Variants in KLHL33 observed in about 807,000 individuals in gnomAD.
The protein encoded by KLHL33 is kelch like family member 33.
KLHL33 carries 46 observed loss-of-function variants against 60.8 expected under a neutral mutation model. The ratio of observed to expected loss-of-function variants is 0.76; its 90% CI spans 0.60 to 0.97. KLHL33 has a LOEUF of 0.97. Ranked by LOEUF, KLHL33 falls within the 50% of genes least tolerant of loss-of-function variation. The pLI, the probability that KLHL33 is intolerant of heterozygous loss-of-function variation, is 0.00. For synonymous variants in KLHL33, 434 were observed against 432.2 expected (o/e 1.00, Z -0.05); for missense variants, 1,055 against 1,000.0 (o/e 1.05, Z -0.74).
Position 20,430,484 on chromosome 14 carries a change from T to G in KLHL33, c.984A>C (p.Lys328Asn). 6.4e-7 allele frequency: 1 copy of G among 1,550,790 alleles called. No homozygotes were observed. Among genetic ancestry groups the G allele is most frequent in the Non-Finnish European group, 8.7e-7 (1 of 1,147,010 alleles). ...QSSSCLDLCQ[K>N]GLARGLSPAR... ...CAGGGCTGAGGCCCCGTGCCAAGCC[T>G]TTCTGACACAAATCCAAGCAGGAAG... Residue 328 changes from lysine (K) to asparagine (N), a missense_variant, in exon 3 of 5, where the codon AAA becomes AAC. Lys to Asn is a moderately conservative substitution (Grantham distance 94). Transcript: ENST00000636854.
intron 2 of KLHL33, among the ~76,000 whole-genome samples, chr14:20,433,529 G>A (rs1401706893): frequency 6.6e-6 from 1 of 152,126 alleles, no homozygotes; most frequent in Non-Finnish European, 1.5e-5. Context: ...CTCAAAACAA[G>A]CTAAGCCATC....
chr14:20,432,088 C>A (rs567179718), intron 2 of KLHL33, among the ~76,000 whole-genome samples: 16 of 150,338 alleles, frequency 1.1e-4, no homozygotes, highest in Middle Eastern at 3.2e-3. Flanking sequence ...CCACACAAAT[C>A]AAGAAAATGG....
chr14:20,428,665 T>TC lies in KLHL33; in HGVS notation c.*183dup. 1 of 615,392 alleles carries TC rather than the reference T, an allele frequency of 1.6e-6. No individual in the cohort carries two copies. The highest frequency in any genetic ancestry group is 2.8e-6 in the Non-Finnish European group (1 of 356,406). The allele number at this position is 615,392 out of a possible 1,614,324, so 38.1% of individuals were successfully genotyped here. A position where few individuals can be genotyped will look rare whatever the true frequency, so the allele number is the denominator to read the frequency against. Reference sequence around the variant, plus strand: ...CTGCCTCCCCTTTCCCTATATGTTTTCCCTAGGAGTTCTGGAACCACCATT... The same window carrying TC: ...CTGCCTCCCCTTTCCCTATATGTTTTCCCCTAGGAGTTCTGGAACCACCATT... On this transcript the variant is annotated 3_prime_UTR_variant, in exon 5 of 5. Transcript: ENST00000636854.
rs1880665080 is a variant in KLHL33 at position 20,435,541 on chromosome 14, G to A, written c.271C>T (p.Arg91Cys). 2 of 1,234,730 alleles carry A rather than the reference G, an allele frequency of 1.6e-6. No individual in the cohort carries two copies. Among genetic ancestry groups the A allele is most frequent in the East Asian group, 3.2e-5 (1 of 31,710 alleles). The allele number at this position is 1,234,730 out of a possible 1,614,324, so 76.5% of individuals were successfully genotyped here. A position where few individuals can be genotyped will look rare whatever the true frequency, so the allele number is the denominator to read the frequency against. The change falls in exon 2 of 5, where the codon CGC becomes TGC. Residue 91 changes from arginine to cysteine, a missense_variant. Physicochemically the swap from Arg to Cys is radical, Grantham distance 180. Transcript: ENST00000636854. Reference protein sequence around the residue: ...DEDAAEPEWLRSEEHPSQFFA... With the variant: ...DEDAAEPEWLCSEEHPSQFFA... The stretch of plus-strand genomic sequence containing the variant: ...AACTGGCTCGGATGCTCCTCGCTGC[G>A]CAGCCACTCGGGCTCTGCCGCATCT...
chr14:20,435,363 G>A lies in KLHL33; in HGVS notation c.449C>T (p.Pro150Leu). The change falls in exon 2 of 5, where the codon CCC (proline) becomes CTC (leucine). Residue 150 changes from proline to leucine, a missense_variant. Coordinates refer to ENST00000636854, the MANE Select transcript of KLHL33 (RefSeq NM_001365790.2). ...TGGGGACACCTCGAGGCTGAAGGGGGGCCGCGGACCTCCGCCGCCCAGCAG... is the reference window on the plus strand; with the variant it reads ...TGGGGACACCTCGAGGCTGAAGGGGAGCCGCGGACCTCCGCCGCCCAGCAG... Reference protein sequence around the residue: ...DRLLGGGGPRPPFSLEVSPGG... With the variant: ...DRLLGGGGPRLPFSLEVSPGG... The A allele has an allele frequency of 8.1e-7, 1 of 1,234,272 alleles. No homozygotes were observed. The highest frequency in any genetic ancestry group is 1.0e-6 in the Non-Finnish European group (1 of 988,116). The allele number at this position is 1,234,272 out of a possible 1,614,324, so 76.5% of individuals were successfully genotyped here.
Position 20,429,556 on chromosome 14 carries a change from T to C in KLHL33, c.1787A>G (p.Asn596Ser), listed in dbSNP as rs565567891. Residue 596 changes from asparagine (N) to serine (S), a missense_variant, in exon 4 of 5, where the codon AAT (asparagine) becomes AGT (serine). Asn to Ser is a conservative substitution (Grantham distance 46). Coordinates refer to ENST00000636854, the MANE Select transcript of KLHL33 (RefSeq NM_001365790.2). ...GKLYALGGRH[N>S]DVALDSVETY... Reference sequence around the variant, plus strand: ...CTCCACAGAGTCCAGGGCAACATCATTGTGTCTTCCACCCAGGGCATAAAG... The same window carrying C: ...CTCCACAGAGTCCAGGGCAACATCACTGTGTCTTCCACCCAGGGCATAAAG... 8.6e-5 allele frequency: 133 copies of C among 1,552,230 alleles called. No individual in the cohort carries two copies. The South Asian group carries it at 1.2e-3, about 13-fold the overall frequency.
chr14:20,433,656 G>A (rs896354552), intron 2 of KLHL33, among the ~76,000 whole-genome samples: 6 of 152,104 alleles, frequency 3.9e-5, no homozygotes, highest in African/African-American at 9.7e-5. Context: ...TGACAGATTC[G>A]CAACCATTAA....
chr14:20,431,663 G>C lies in KLHL33; in HGVS notation c.749-944C>G, dbSNP rs866245966. Among the ~76,000 whole-genome samples the C allele has an allele frequency of 2.0e-5, 3 of 152,230 alleles. No individual in the cohort carries two copies. The South Asian group carries it at 6.2e-4, about 32-fold the overall frequency. On this transcript the variant is annotated intron_variant, in intron 2 of 4. Transcript: ENST00000636854. Reference sequence around the variant, plus strand: ...AATAGCTTGAACCTGGGAGGCGAGGGTTGCAATGAGCTGAGACTGCGCCGC... The same window carrying C: ...AATAGCTTGAACCTGGGAGGCGAGGCTTGCAATGAGCTGAGACTGCGCCGC...
chr14:20,432,595 A>G (rs1164951934), intron 2 of KLHL33, among the ~76,000 whole-genome samples: 2 of 152,280 alleles, frequency 1.3e-5, no homozygotes, highest in African/African-American at 2.4e-5. Flanking sequence ...TTTTTGGACA[A>G]CTGGGAAAAT....
rs1033465968 is a variant in KLHL33, at chr14:20,435,193, C to G, written c.619G>C (p.Ala207Pro). The G allele has an allele frequency of 4.1e-6, 5 of 1,234,288 alleles. No homozygotes were observed. The African/African-American group carries it at 6.2e-5, about 15-fold the overall frequency. The allele number at this position is 1,234,288 out of a possible 1,614,324, so 76.5% of individuals were successfully genotyped here. A position where few individuals can be genotyped will look rare whatever the true frequency, so the allele number is the denominator to read the frequency against. The change falls in exon 2 of 5, where the codon GCC becomes CCC. Residue 207 changes from alanine to proline, a missense_variant. Physicochemically the swap from Ala to Pro is conservative, Grantham distance 27. Transcript: ENST00000636854. ...AQQTCERAGNAREDVKKPSQA... is the reference protein window; with the variant it reads ...AQQTCERAGNPREDVKKPSQA... Reference sequence around the variant, plus strand: ...CTGGGCTTCTTTACATCTTCCCTGGCATTTCCAGCCCTCTCGCATGTCTGC... The same window carrying G: ...CTGGGCTTCTTTACATCTTCCCTGGGATTTCCAGCCCTCTCGCATGTCTGC...
intron 3 of KLHL33, 49 bp from the exon 4 acceptor site, chr14:20,429,718 G>A: frequency 6.5e-7 from 1 of 1,535,876 alleles, no homozygotes; most frequent in Admixed American, 2.0e-5. Context: ...GGGCATCCGT[G>A]GTTGGCTAGG....
At chr14:20,434,960 A>G in intron 2 of KLHL33, 104 bp downstream of exon 2, 1 of 1,012,700 alleles carries the variant, frequency 9.9e-7, no homozygotes, top group Non-Finnish European at 1.3e-6. Flanking sequence ...TGACAGCAGC[A>G]GGGATCAAAA....
At position 20,429,155 on chromosome 14, in the gene KLHL33, C is replaced by CAG; in HGVS notation, c.2086_2087dup (p.Leu697CysfsTer2). 6.4e-7 allele frequency: 1 copy of CAG among 1,551,714 alleles called. No individual in the cohort carries two copies. Among genetic ancestry groups the CAG allele is most frequent in the Non-Finnish European group, 8.7e-7 (1 of 1,147,000 alleles). ...TTAGTTCATAGGCCTCAAAGCTTAG[C>CAG]AGGTCCTCAGTCTCACCCAGCCCAC... On this transcript the variant is annotated frameshift_variant, in exon 5 of 5. Transcript: ENST00000636854. LOFTEE classifies it high-confidence loss of function.
At position 20,428,917 on chromosome 14, in the gene KLHL33, G is replaced by C. The variant is rs1398886602; in HGVS notation, c.2326C>G (p.Leu776Val). Reference sequence around the variant, plus strand: ...ATGTGCTGCACAGCGGGCAGTGTCAGGATGCAGGCAGGCATCTCAGCCCGA... The same window carrying C: ...ATGTGCTGCACAGCGGGCAGTGTCACGATGCAGGCAGGCATCTCAGCCCGA... ...RPRAEMPACI[L>V]TLPAVQHIAL... The change falls in exon 5 of 5, where the codon CTG becomes GTG. Residue 776 changes from leucine (L) to valine (V), a missense_variant. Coordinates refer to ENST00000636854, the MANE Select transcript of KLHL33 (RefSeq NM_001365790.2). 3.2e-6 allele frequency: 5 copies of C among 1,551,752 alleles called. No individual in the cohort carries two copies. Among genetic ancestry groups the C allele is most frequent in the Non-Finnish European group, 4.4e-6 (5 of 1,147,016 alleles).
chr14:20,430,791 T>C (rs1880489648), intron 2 of KLHL33, 72 bp from the exon 3 acceptor site: 9 of 1,041,746 alleles, frequency 8.6e-6, no homozygotes, highest in South Asian at 3.4e-5. Flanking sequence ...CCCAACTTGG[T>C]ACTCTAAGTT....
rs1880440844 is a variant in KLHL33 at position 20,429,985 on chromosome 14, C to T, written c.1483G>A (p.Ala495Thr). The change falls in exon 3 of 5, where the codon GCA (alanine) becomes ACA (threonine). Residue 495 changes from alanine (A) to threonine (T), a missense_variant. Physicochemically the swap from Ala to Thr is moderately conservative, Grantham distance 58. Transcript: ENST00000636854. ...CGGAAGGCCCGGGCCCACCACACTGCTCGGGATGGTTGTCTTAGGGCCATG... is the reference window on the plus strand; with the variant it reads ...CGGAAGGCCCGGGCCCACCACACTGTTCGGGATGGTTGTCTTAGGGCCATG... ...PDMALRQPSR[A>T]VWWARAFRCG... is the part of the protein sequence containing the mutation. 3 of 1,551,602 alleles carry T rather than the reference C, an allele frequency of 1.9e-6. No homozygotes were observed. The highest frequency in any genetic ancestry group is 2.0e-5 in the Admixed American group (1 of 50,994).
rs368976049 is a variant in KLHL33, at chr14:20,429,105, G to A, written c.2138C>T (p.Ala713Val). 2.6e-6 allele frequency: 4 copies of A among 1,551,518 alleles called. No homozygotes were observed. The highest frequency in any genetic ancestry group is 3.9e-5 in the Admixed American group (2 of 50,994). The change falls in exon 5 of 5, where the codon GCA becomes GTA. Residue 713 changes from alanine (A) to valine (V), a missense_variant. Ala to Val is a moderately conservative substitution (Grantham distance 64). Coordinates refer to ENST00000636854, the MANE Select transcript of KLHL33 (RefSeq NM_001365790.2). ...CCCCACATGGGGGGAGGGTAGGGGT[G>A]CCAGGTGAGTCCAGCTATCAGTCCT... ...ELRTDSWTHL[A>V]PLPSPHVGAA...
rs912576093 is a variant in KLHL33, at chr14:20,435,065, C to G, written c.747G>C (p.Ser249=). ...ATTTAATGCCCCACAGGCCCTCACC[C>G]GACAGCTGGCAGCCGCCTGCCTCCA... ...LKLEAGGCQL[S]VHRAALACGS... The change falls in exon 2 of 5, where the codon TCG becomes TCC. Residue 249 remains serine (S), a splice_region_variant and synonymous_variant. Transcript: ENST00000636854. The G allele has an allele frequency of 3.2e-5, 40 of 1,234,312 alleles. No homozygotes were observed. In the East Asian group the frequency reaches 1.3e-3, roughly 39 times the overall value. The allele number at this position is 1,234,312 out of a possible 1,614,324, so 76.5% of individuals were successfully genotyped here. A position where few individuals can be genotyped will look rare whatever the true frequency, so the allele number is the denominator to read the frequency against.
chr14:20,435,784 G>C lies in KLHL33; in HGVS notation c.28C>G (p.Pro10Ala), dbSNP rs1307817156. Reference sequence around the variant, plus strand: ...TGAGAGACACTCTCCAGCTCAGGGGGATAATGTGGGGTGTCCGAGACGCTC... The same window carrying C: ...TGAGAGACACTCTCCAGCTCAGGGGCATAATGTGGGGTGTCCGAGACGCTC... Reference protein sequence around the residue: MSVSDTPHYPPELESVSHPV... With the variant: MSVSDTPHYAPELESVSHPV... Residue 10 changes from proline to alanine, a missense_variant, in exon 2 of 5, where the codon CCC (proline) becomes GCC (alanine). By Grantham distance (27) the Pro-to-Ala change is conservative. Transcript: ENST00000636854. The C allele has an allele frequency of 8.1e-7, 1 of 1,234,510 alleles. No individual in the cohort carries two copies. Among genetic ancestry groups the C allele is most frequent in the Non-Finnish European group, 1.0e-6 (1 of 988,394 alleles). The allele number at this position is 1,234,510 out of a possible 1,614,324, so 76.5% of individuals were successfully genotyped here.
Sources: allele counts gnomAD v4.1 joint callset (sites outside exome capture counted in the v4.1 genomes callset), GRCh38; gene constraint gnomAD v4.1.1; transcripts MANE v1.5; gene names NCBI Gene and HGNC (gene_info 2026-07-23, HGNC 2026-07-21).